The following AGBL3 variants were observed in gnomAD, a reference collection of about 807,000 sequenced individuals.
AGBL3 encodes the protein cytosolic carboxypeptidase 3.
A neutral mutation model predicts 94.5 loss-of-function variants in AGBL3; 68 were observed. The ratio of observed to expected loss-of-function variants is 0.72; its 90% CI spans 0.59 to 0.88. The LOEUF is 0.88. AGBL3 is among the 40% of genes least tolerant of loss of function. The probability of loss-of-function intolerance (pLI) is 0.00; values close to 1 mark genes in which losing one functional copy is unlikely to be tolerated. For missense variants in AGBL3, 934 were observed against 1,103.8 expected (o/e 0.85, Z 2.18); for synonymous variants, 354 against 370.7 (o/e 0.95, Z 0.52).
chr7:134,997,738 G>GCTAT (rs1811188262), intron 4 of AGBL3, among the ~76,000 whole-genome samples: 2 of 152,248 alleles, frequency 1.3e-5, no homozygotes, highest in South Asian at 4.1e-4. Flanking sequence ...GGCATCAGAG[G>GCTAT]CTATCTCCCA....
At chr7:135,083,823 A>C (rs1465987296) in intron 15 of AGBL3, among the ~76,000 whole-genome samples, 2 of 152,234 alleles carry the variant, frequency 1.3e-5, no homozygotes, top group Non-Finnish European at 2.9e-5. Context: ...TTTAGTGAAC[A>C]AAAGAATTAC....
In AGBL3 at chr7:135,067,264, G is replaced by A. The variant is rs905677353; in HGVS notation, c.1908+8029G>A. 2.4e-4 allele frequency among the ~76,000 whole-genome samples: 36 copies of A among 152,208 alleles called. 1 individual carries two copies. The highest frequency in any genetic ancestry group is 3.3e-4 in the Admixed American group (5 of 15,282). ...AAGCTCGAACTGGGTTGAGCCCACC[G>A]CAGCTCAAGGAGGCCTGCCTACCTC... On this transcript the variant is annotated intron_variant, in intron 12 of 16. Coordinates refer to ENST00000436302, the MANE Select transcript of AGBL3 (RefSeq NM_178563.4).
intron 16 of AGBL3, among the ~76,000 whole-genome samples, chr7:135,123,861 C>G (rs1338280783): frequency 2.0e-5 from 3 of 152,152 alleles, no homozygotes; most frequent in Non-Finnish European, 4.4e-5. Flanking sequence ...TTCATTACCA[C>G]CATGGCTGCC....
intron 7 of AGBL3, among the ~76,000 whole-genome samples, chr7:135,036,406 A>T (rs940707843): frequency 6.6e-6 from 1 of 152,102 alleles, no homozygotes; most frequent in Non-Finnish European, 1.5e-5. Context: ...GAAAAAGTCA[A>T]TTCAAACTTT....
chr7:135,122,398 A>C (rs1052972873), intron 16 of AGBL3, among the ~76,000 whole-genome samples: 1 of 152,212 alleles, frequency 6.6e-6, no homozygotes, highest in African/African-American at 2.4e-5. Context: ...CCTGGGCCTG[A>C]GCCCCTAGCG....
At chr7:134,993,760 G>T in intron 4 of AGBL3, 82 bp downstream of exon 4, 2 of 1,202,730 alleles carry the variant, frequency 1.7e-6, no homozygotes, top group Non-Finnish European at 2.2e-6. Flanking sequence ...GACTCACAAT[G>T]TTAGAAAACA....
chr7:135,073,727 G>T (rs990316972), intron 12 of AGBL3, among the ~76,000 whole-genome samples: 25 of 151,878 alleles, frequency 1.6e-4, no homozygotes, highest in African/African-American at 5.6e-4. Flanking sequence ...AGCAAGCAGG[G>T]GGTACGTGAC....
chr7:135,086,652 T>C (rs1251092116), intron 15 of AGBL3, among the ~76,000 whole-genome samples: 1 of 152,104 alleles, frequency 6.6e-6, no homozygotes, highest in Non-Finnish European at 1.5e-5. Context: ...TATGTGTATA[T>C]TGATTCATCC....
rs539117778 is a variant in AGBL3, at chr7:135,134,936, C to A, written c.2438C>A (p.Ala813Glu). ...HPFVIQGDVM[A>E]NSSEWVQSKP... Reference sequence around the variant, plus strand: ...TTTGTAATCCAAGGGGATGTTATGGCAAACTCTTCAGAATGGGTCCAGTCT... The same window carrying A: ...TTTGTAATCCAAGGGGATGTTATGGAAAACTCTTCAGAATGGGTCCAGTCT... The change falls in exon 17 of 17, where the codon GCA (alanine) becomes GAA (glutamate). Residue 813 changes from alanine (A) to glutamate (E), a missense_variant. This residue lies in a region of AGBL3 where 441 missense variants were observed against 518.2 expected (regional missense o/e 0.85). Transcript: ENST00000436302. The A allele has an allele frequency of 3.9e-6, 6 of 1,551,040 alleles. No homozygotes were observed. The East Asian group carries it at 1.5e-4, about 38-fold the overall frequency.
chr7:135,128,832 C>A, intron 16 of AGBL3: 2 of 1,162,988 alleles, frequency 1.7e-6, no homozygotes, highest in Non-Finnish European at 2.6e-6. Context: ...CAGCTGTGTG[C>A]AGGATGTGGA....
chr7:135,134,603 A>G (rs2117373982), intron 16 of AGBL3, among the ~76,000 whole-genome samples: 1 of 152,194 alleles, frequency 6.6e-6, no homozygotes, highest in East Asian at 1.9e-4. Context: ...GGCTGAGGTT[A>G]GAGTAGGTAT....
In AGBL3 at chr7:135,129,830, A is replaced by G. The variant is rs2117325320; in HGVS notation, c.2343-5011A>G. 1.0e-5 allele frequency: 5 copies of G among 485,830 alleles called. No individual in the cohort carries two copies. In the South Asian group the frequency reaches 1.2e-4, roughly 11 times the overall value. The allele number at this position is 485,830 out of a possible 1,614,324, so 30.1% of individuals were successfully genotyped here. On this transcript the variant is annotated intron_variant, in intron 16 of 16. Transcript: ENST00000436302. ...GAAGATATGGAAGAACAAGATTTAT[A>G]TTTTCATGTGGTACTACTGAAGAGG...
At chr7:135,050,446 C>A (rs1232059510) in intron 11 of AGBL3, among the ~76,000 whole-genome samples, 1 of 151,854 alleles carries the variant, frequency 6.6e-6, no homozygotes. Flanking sequence ...TATTGATCAT[C>A]TATGTTGATA....
At chr7:135,120,734 T>C (rs549433168) in intron 16 of AGBL3, among the ~76,000 whole-genome samples, 1 of 152,104 alleles carries the variant, frequency 6.6e-6, no homozygotes, top group Admixed American at 6.5e-5. Context: ...AGGCTGAAAG[T>C]AAAAGGATGG....
intron 5 of AGBL3, among the ~76,000 whole-genome samples, chr7:135,022,007 T>C (rs954466703): frequency 2.0e-5 from 3 of 152,210 alleles, no homozygotes; most frequent in African/African-American, 4.8e-5. Context: ...TCATTCCTTT[T>C]TGTGGCTGCA....
intron 15 of AGBL3, among the ~76,000 whole-genome samples, chr7:135,108,078 A>T (rs769671338): frequency 6.6e-6 from 1 of 151,972 alleles, no homozygotes; most frequent in Non-Finnish European, 1.5e-5. Context: ...ATTCTTCTCC[A>T]TCCCTTTATT....
At chr7:135,081,626 C>A in intron 14 of AGBL3, 93 bp from the exon 15 acceptor site, 1 of 766,768 alleles carries the variant, frequency 1.3e-6, no homozygotes, top group Non-Finnish European at 2.0e-6. Context: ...AAGTTATTTA[C>A]TAGCATTTTC....
intron 15 of AGBL3, among the ~76,000 whole-genome samples, chr7:135,113,291 TAAACA>T (rs2117162790): frequency 6.6e-6 from 1 of 152,298 alleles, no homozygotes; most frequent in East Asian, 1.9e-4. Flanking sequence ...TTTTCAAACA[TAAACA>T]AAAGTAGAAA....
At chr7:135,128,794 A>G in intron 16 of AGBL3, 1 of 1,209,562 alleles carries the variant, frequency 8.3e-7, no homozygotes, top group Non-Finnish European at 1.2e-6. Flanking sequence ...TGGATCTGAT[A>G]CAGACCAAGA....
Sources: gnomAD v4.1 joint callset for allele counts (sites outside exome capture counted in the v4.1 genomes callset) on GRCh38, gnomAD v4.1.1 for gene constraint, gnomAD v4.1.1 regional missense constraint, MANE v1.5 for transcripts, NCBI Gene and HGNC (gene_info 2026-07-23, HGNC 2026-07-21) for gene names.